QTMAN: variants seen among roughly 807,000 people sequenced by gnomAD.
QTMAN encodes queuosine-tRNA mannosyltransferase, also known as tRNA-queuosine alpha-mannosyltransferase.
chr2:144,101,517 G>C, the QTMAN span, among the ~76,000 whole-genome samples: 6 of 152,016 alleles, frequency 3.9e-5, no homozygotes, highest in South Asian at 1.2e-3. Flanking sequence ...TTCTTTACTT[G>C]GGAACAAGAC....
At chr2:144,297,526 G>A in the QTMAN span, among the ~76,000 whole-genome samples, 9 of 151,536 alleles carry the variant, frequency 5.9e-5, no homozygotes, top group Non-Finnish European at 1.5e-5. Flanking sequence ...GTCTTGGCTG[G>A]GCGTGGTGTC....
At chr2:144,284,810 A>T in the QTMAN span, among the ~76,000 whole-genome samples, 1 of 152,196 alleles carries the variant, frequency 6.6e-6, no homozygotes, top group East Asian at 1.9e-4. Context: ...TGGAGTGAGG[A>T]CTGCTTGAGC....
chr2:143,987,360 G>A, the QTMAN span, among the ~76,000 whole-genome samples: 2 of 152,196 alleles, frequency 1.3e-5, no homozygotes, highest in African/African-American at 4.8e-5. Context: ...CGTGAATACA[G>A]GTTCACATTC....
chr2:144,064,002 T>C, the QTMAN span, among the ~76,000 whole-genome samples: 1 of 152,194 alleles, frequency 6.6e-6, no homozygotes, highest in Non-Finnish European at 1.5e-5. Context: ...TTGACCTTAT[T>C]ATAGAAATAA....
chr2:144,222,883 G>A, the QTMAN span, among the ~76,000 whole-genome samples: 1 of 152,158 alleles, frequency 6.6e-6, no homozygotes, highest in South Asian at 2.1e-4. Flanking sequence ...AAAACGGAGC[G>A]AGGACTGATT....
the QTMAN span, among the ~76,000 whole-genome samples, chr2:144,116,127 C>A: frequency 6.6e-6 from 1 of 152,028 alleles, no homozygotes; most frequent in African/African-American, 2.4e-5. Flanking sequence ...TAAATATGTA[C>A]ACCATAACAT....
At chr2:144,216,314 C>T in the QTMAN span, among the ~76,000 whole-genome samples, 1 of 152,182 alleles carries the variant, frequency 6.6e-6, no homozygotes, top group Non-Finnish European at 1.5e-5. Context: ...CTTCTGCATG[C>T]AGCTGTGAAA....
the QTMAN span, among the ~76,000 whole-genome samples, chr2:144,057,354 T>C: frequency 2.0e-5 from 3 of 152,298 alleles, no homozygotes; most frequent in East Asian, 5.8e-4. Context: ...TGGTTTAAAC[T>C]TGTTATTTAT....
chr2:144,017,895 T>C, the QTMAN span, among the ~76,000 whole-genome samples: 1 of 152,198 alleles, frequency 6.6e-6, no homozygotes, highest in East Asian at 1.9e-4. Flanking sequence ...TTTTTCTTAT[T>C]AGTTCTTATA....
the QTMAN span, among the ~76,000 whole-genome samples, chr2:143,990,192 T>A: frequency 6.6e-6 from 1 of 151,844 alleles, no homozygotes; most frequent in African/African-American, 2.4e-5. Context: ...GGCTGCACAG[T>A]AGAGTTGTTC....
the QTMAN span, among the ~76,000 whole-genome samples, chr2:144,162,741 G>T: frequency 1.3e-5 from 2 of 152,104 alleles, no homozygotes; most frequent in East Asian, 3.9e-4. Context: ...ACAGCTGTGC[G>T]GACGAATTCC....
the QTMAN span, among the ~76,000 whole-genome samples, chr2:144,049,588 A>T: frequency 6.6e-6 from 1 of 152,184 alleles, no homozygotes; most frequent in Non-Finnish European, 1.5e-5. Context: ...CAAACTTGGC[A>T]TGTCTTTGAA....
chr2:144,069,366 A>G, the QTMAN span, among the ~76,000 whole-genome samples: 5 of 151,556 alleles, frequency 3.3e-5, no homozygotes, highest in African/African-American at 1.2e-4. Context: ...ACACATCTCT[A>G]TTTTCTGAAA....
At chr2:144,250,733 G>T in the QTMAN span, among the ~76,000 whole-genome samples, 2 of 123,948 alleles carry the variant, frequency 1.6e-5, no homozygotes, top group Admixed American at 9.1e-5. Flanking sequence ...TAATTTTCCT[G>T]AATTGCTCTT....
the QTMAN span, among the ~76,000 whole-genome samples, chr2:144,203,368 T>C: frequency 6.6e-6 from 1 of 152,092 alleles, no homozygotes; most frequent in Non-Finnish European, 1.5e-5. Flanking sequence ...CATGCCTAAA[T>C]TAAACAATCC....
the QTMAN span, among the ~76,000 whole-genome samples, chr2:144,144,939 T>C: frequency 4.0e-5 from 6 of 151,850 alleles, no homozygotes; most frequent in African/African-American, 1.5e-4. Flanking sequence ...TTAACTTCTT[T>C]CATTAACTAA....
At chr2:144,117,074 A>G in the QTMAN span, among the ~76,000 whole-genome samples, 1 of 152,184 alleles carries the variant, frequency 6.6e-6, no homozygotes, top group East Asian at 1.9e-4. Context: ...AAGTTCTCCT[A>G]TGGACAGCAC....
the QTMAN span, among the ~76,000 whole-genome samples, chr2:144,212,166 C>A: frequency 6.6e-6 from 1 of 152,122 alleles, no homozygotes; most frequent in African/African-American, 2.4e-5. Flanking sequence ...AAACTGATCA[C>A]GAATACCAGA....
At chr2:144,028,882 TC>T in the QTMAN span, among the ~76,000 whole-genome samples, 2 of 152,184 alleles carry the variant, frequency 1.3e-5, no homozygotes, top group Admixed American at 1.3e-4. Flanking sequence ...CAGTTAAATT[TC>T]CCTCTCACTA....
Sources: gnomAD v4.1 joint callset for allele counts (sites outside exome capture counted in the v4.1 genomes callset) on GRCh38, gnomAD v4.1.1 for gene constraint, MANE v1.5 for transcripts, NCBI Gene and HGNC (gene_info 2026-07-23, HGNC 2026-07-21) for gene names.